Variants in ADAM19 observed in about 807,000 individuals in gnomAD.
ADAM19 encodes the protein disintegrin and metalloproteinase domain-containing protein 19.
In ADAM19, 65 loss-of-function variants were observed where a neutral mutation model predicts 114.7. That is an observed-to-expected ratio of 0.57 (90% CI 0.46 to 0.70). ADAM19 has a LOEUF of 0.70. Ranked by LOEUF, ADAM19 falls within the 30% of genes least tolerant of loss-of-function variation. The pLI is 0.00. For missense variants in ADAM19, 1,063 were observed against 1,204.7 expected (o/e 0.88, Z 1.74); for synonymous variants, 466 against 460.5 (o/e 1.01, Z -0.15).
intron 1 of ADAM19, among the ~76,000 whole-genome samples, chr5:157,575,102 C>T (rs1252967944): frequency 6.6e-6 from 1 of 152,206 alleles, no homozygotes; most frequent in African/African-American, 2.4e-5. Context: ...CTACCACAGT[C>T]TGCCGCGGGC....
At chr5:157,522,770 A>G (rs1581326160) in intron 5 of ADAM19, among the ~76,000 whole-genome samples, 1 of 152,124 alleles carries the variant, frequency 6.6e-6, no homozygotes, top group Non-Finnish European at 1.5e-5. Flanking sequence ...TGGGCGACAG[A>G]GCAAGACTCC....
intron 3 of ADAM19, 76 bp downstream of exon 3, chr5:157,564,297 A>C (rs1003815217): frequency 1.2e-5 from 17 of 1,404,730 alleles, no homozygotes; most frequent in African/African-American, 2.8e-5. Context: ...GCTTCCTTCC[A>C]GAACAGCGAC....
chr5:157,482,866 C>T (rs1265119874), intron 21 of ADAM19, among the ~76,000 whole-genome samples: 1 of 152,152 alleles, frequency 6.6e-6, no homozygotes, highest in East Asian at 1.9e-4. Flanking sequence ...CCATGGAATA[C>T]TATGCAGCCA....
intron 5 of ADAM19, among the ~76,000 whole-genome samples, chr5:157,521,437 C>G (rs1561541877): frequency 6.6e-6 from 1 of 152,164 alleles, no homozygotes; most frequent in Non-Finnish European, 1.5e-5. Context: ...GGCAGGACCT[C>G]TCTCTTAGCT....
chr5:157,491,844 A>G lies in ADAM19; in HGVS notation c.1977T>C (p.Asn659=). 6.2e-7 allele frequency: 1 copy of G among 1,614,240 alleles called. No individual in the cohort carries two copies. Among genetic ancestry groups the G allele is most frequent in the Non-Finnish European group, 8.5e-7 (1 of 1,180,050 alleles). The change falls in exon 17 of 23, where the codon AAT becomes AAC. Residue 659 remains asparagine, a synonymous_variant. Transcript: ENST00000257527. ...FETEGCGKKC[N]GHGVCNNNQN... ...AGAACCCAGCACGCACCCCATGGCCATTGCACTTCTTCCCACAGCCTTCAG... is the reference window on the plus strand; with the variant it reads ...AGAACCCAGCACGCACCCCATGGCCGTTGCACTTCTTCCCACAGCCTTCAG...
At chr5:157,540,089 G>A (rs1225614938) in intron 3 of ADAM19, among the ~76,000 whole-genome samples, 1 of 152,226 alleles carries the variant, frequency 6.6e-6, no homozygotes, top group East Asian at 1.9e-4. Flanking sequence ...GGGCTGTGAT[G>A]AGGATCAAAC....
chr5:157,513,910 G>A (rs188230205), intron 7 of ADAM19, among the ~76,000 whole-genome samples: 23 of 152,338 alleles, frequency 1.5e-4, no homozygotes, highest in Non-Finnish European at 1.5e-5. Context: ...CAGATCTCAC[G>A]AGGCTTCCCT....
chr5:157,555,758 A>AGAG (rs1283495663), intron 3 of ADAM19, among the ~76,000 whole-genome samples: 1 of 152,170 alleles, frequency 6.6e-6, no homozygotes, highest in Non-Finnish European at 1.5e-5. Flanking sequence ...ACACAGCTTG[A>AGAG]GAGGTCAGAA....
At position 157,550,973 on chromosome 5, in the gene ADAM19, T is replaced by G. The variant is rs371929445; in HGVS notation, c.252-12982A>C. Among the ~76,000 whole-genome samples, 5 of 152,316 alleles carry G rather than the reference T, an allele frequency of 3.3e-5. 1 individual carries two copies. The stretch of plus-strand genomic sequence containing the variant: ...GAGTTAATCATGCATACACATAGAC[T>G]ATAATATCACACAGCCACGAAAATG... On this transcript the variant is annotated intron_variant, in intron 3 of 22. Coordinates refer to ENST00000257527, the MANE Select transcript of ADAM19 (RefSeq NM_033274.5).
intron 4 of ADAM19, 54 bp from the exon 5 acceptor site, chr5:157,530,937 T>C: frequency 1.9e-5 from 27 of 1,458,176 alleles, no homozygotes; most frequent in Non-Finnish European, 2.6e-5. Flanking sequence ...AGCATGGCAA[T>C]GTTAATATCT....
At chr5:157,513,187 C>T (rs376884262) in intron 8 of ADAM19, among the ~76,000 whole-genome samples, 3 of 152,094 alleles carry the variant, frequency 2.0e-5, no homozygotes, top group East Asian at 1.9e-4. Context: ...CATTGATTTA[C>T]GACAGCCTTT....
chr5:157,569,320 C>T (rs1757758433), intron 2 of ADAM19, among the ~76,000 whole-genome samples: 1 of 141,890 alleles, frequency 7.0e-6, no homozygotes, highest in Admixed American at 7.2e-5. Context: ...CTATATCTTA[C>T]TATAACCTCA....
chr5:157,571,300 G>C (rs1757816465), intron 1 of ADAM19, among the ~76,000 whole-genome samples: 1 of 152,190 alleles, frequency 6.6e-6, no homozygotes, highest in South Asian at 2.1e-4. Flanking sequence ...ATTTGAAACA[G>C]GATGATCAGC....
intron 2 of ADAM19, among the ~76,000 whole-genome samples, chr5:157,565,681 C>A (rs1581359646): frequency 1.3e-5 from 2 of 150,496 alleles, no homozygotes; most frequent in Admixed American, 1.3e-4. Context: ...TGCACTCCAG[C>A]CTGGGTGACA....
chr5:157,545,662 A>C (rs1038379198), intron 3 of ADAM19, among the ~76,000 whole-genome samples: 8 of 152,092 alleles, frequency 5.3e-5, no homozygotes, highest in African/African-American at 1.9e-4. Flanking sequence ...CAGATGAAGA[A>C]TCTGAAAAAA....
intron 1 of ADAM19, 82 bp downstream of exon 1, chr5:157,575,521 G>A (rs917679453): frequency 2.0e-5 from 21 of 1,075,414 alleles, no homozygotes; most frequent in Admixed American, 1.6e-4. Flanking sequence ...CAGGGGTCGC[G>A]GTCCCAGCGC....
intron 5 of ADAM19, among the ~76,000 whole-genome samples, chr5:157,524,984 C>G (rs912628420): frequency 2.9e-4 from 44 of 152,238 alleles, no homozygotes; most frequent in Non-Finnish European, 1.3e-4. Context: ...GTTCTCAGCT[C>G]GGGAAATAGC....
chr5:157,498,688 G>GTATATATATATATATATATATATA (rs55867903), intron 13 of ADAM19, among the ~76,000 whole-genome samples: 1 of 143,862 alleles, frequency 7.0e-6, no homozygotes, highest in East Asian at 2.2e-4. Flanking sequence ...ATGTGTGTAT[G>GTATATATATATATATATATATATA]TATATATATA....
rs780787904 is a variant in ADAM19, at chr5:157,538,000, A to T, written c.252-9T>A. ...AAGGAGCAAAAAGTTGCCTGCAAAA[A>T]ATAAAAAGAGACATTTATATCATAA... On this transcript the variant is annotated splice_polypyrimidine_tract_variant and intron_variant, in intron 3 of 22. Transcript: ENST00000257527. The T allele has an allele frequency of 6.2e-7, 1 of 1,610,396 alleles. No homozygotes were observed. The highest frequency in any genetic ancestry group is 2.2e-5 in the East Asian group (1 of 44,844).
Sources: gnomAD v4.1 joint callset for allele counts (sites outside exome capture counted in the v4.1 genomes callset) on GRCh38, gnomAD v4.1.1 for gene constraint, MANE v1.5 for transcripts, NCBI Gene and HGNC (gene_info 2026-07-23, HGNC 2026-07-21) for gene names.